NEBL: variants seen among roughly 807,000 people sequenced by gnomAD.
NEBL encodes nebulette, also known as LIM and SH3 protein 2.
NEBL carries 122 observed loss-of-function variants against 140.2 expected under a neutral mutation model. That is an observed-to-expected ratio of 0.87 (90% confidence interval 0.75 to 1.01). The LOEUF is 1.01. Ranked by LOEUF, NEBL falls within the 50% of genes least tolerant of loss-of-function variation. The pLI is 0.00. For synonymous variants in NEBL, 436 were observed against 398.9 expected (o/e 1.09, Z -1.11); for missense variants, 1,365 against 1,231.3 (o/e 1.11, Z -1.62).
chr10:21,035,508 A>G (rs1445478415), intron 2 of NEBL, among the ~76,000 whole-genome samples: 2 of 152,178 alleles, frequency 1.3e-5, no homozygotes, highest in Non-Finnish European at 1.5e-5. Context: ...TAATCACAAA[A>G]TATATCAGCT....
intron 4 of NEBL, among the ~76,000 whole-genome samples, chr10:20,937,052 T>C (rs898117697): frequency 6.6e-6 from 1 of 152,204 alleles, no homozygotes. Context: ...TGGAAGGATT[T>C]AAAATTGCAC....
intron 2 of NEBL, among the ~76,000 whole-genome samples, chr10:21,028,399 A>T (rs1833629987): frequency 6.6e-6 from 1 of 152,180 alleles, no homozygotes; most frequent in Non-Finnish European, 1.5e-5. Flanking sequence ...TTCCAGAAGG[A>T]AAAGCTAAAA....
intron 13 of NEBL, among the ~76,000 whole-genome samples, chr10:20,837,279 T>G (rs1840991948): frequency 6.6e-6 from 1 of 152,188 alleles, no homozygotes; most frequent in Non-Finnish European, 1.5e-5. Context: ...ACACATGAAT[T>G]ATAAGAATGT....
intron 10 of NEBL, among the ~76,000 whole-genome samples, chr10:20,851,974 G>T (rs1366633094): frequency 1.5e-5 from 1 of 67,402 alleles, no homozygotes; most frequent in African/African-American, 5.3e-5. Flanking sequence ...CTTAACAGAT[G>T]CTGGAACTGA....
At chr10:20,819,267 T>C (rs1205448582) in intron 20 of NEBL, 157 bp downstream of exon 20, 1 of 1,237,604 alleles carries the variant, frequency 8.1e-7, no homozygotes, top group Non-Finnish European at 1.1e-6. Context: ...CCTCTATGTG[T>C]CCATGTATTC....
At chr10:21,229,303 C>T (rs1356288659) in intron 3 of NEBL, among the ~76,000 whole-genome samples, 2 of 152,100 alleles carry the variant, frequency 1.3e-5, no homozygotes, top group African/African-American at 2.4e-5. Context: ...CACCTGTGGT[C>T]CCAGCTACCT....
At chr10:21,021,427 A>T (rs1472861649) in intron 2 of NEBL, among the ~76,000 whole-genome samples, 1 of 152,180 alleles carries the variant, frequency 6.6e-6, no homozygotes, top group East Asian at 1.9e-4. Flanking sequence ...CCCCATGGCC[A>T]GGCCTCTGCA....
At position 21,239,803 on chromosome 10, in the gene NEBL, TCAGGAGATCAAGAC is replaced by T. The variant is rs1328229454; in HGVS notation, n.348+8104_348+8117del. Reference sequence around the variant, plus strand: ...AGGTTGAGGTGGGCGGATTACAAGGTCAGGAGATCAAGACCATCCTAGCTAACATGGTGAAACCC... The same window carrying T: ...AGGTTGAGGTGGGCGGATTACAAGGTCATCCTAGCTAACATGGTGAAACCC... On this transcript the variant is annotated intron_variant and non_coding_transcript_variant, in intron 3 of 8. Transcript: ENST00000675702. Among the ~76,000 whole-genome samples, 3 of 151,892 alleles carry T rather than the reference TCAGGAGATCAAGAC, an allele frequency of 2.0e-5. 1 individual carries two copies. The East Asian group carries it at 5.8e-4, about 29-fold the overall frequency.
At chr10:21,184,891 G>A (rs1841441482) in intron 3 of NEBL, among the ~76,000 whole-genome samples, 1 of 152,162 alleles carries the variant, frequency 6.6e-6, no homozygotes, top group Admixed American at 6.5e-5. Context: ...TGTTAACAGA[G>A]GTGGGATTAC....
chr10:20,876,328 A>T (rs1165503026), intron 5 of NEBL, among the ~76,000 whole-genome samples: 1 of 152,170 alleles, frequency 6.6e-6, no homozygotes, highest in Non-Finnish European at 1.5e-5. Context: ...TCACCACCAT[A>T]TTGTGTAGAA....
At chr10:21,058,172 C>T (rs778474613) in intron 2 of NEBL, among the ~76,000 whole-genome samples, 3 of 152,202 alleles carry the variant, frequency 2.0e-5, no homozygotes, top group African/African-American at 4.8e-5. Context: ...CCATTGTTCA[C>T]TGGGTCTTTT....
Position 20,831,596 on chromosome 10 carries a change from A to ACACT in NEBL, c.1450-14_1450-13insAGTG. 3.3e-6 allele frequency: 5 copies of ACACT among 1,534,716 alleles called. No individual in the cohort carries two copies. Among genetic ancestry groups the ACACT allele is most frequent in the Non-Finnish European group, 4.5e-6 (5 of 1,108,774 alleles). Reference sequence around the variant, plus strand: ...TTTTATAGTCTTTCTGCAGAAAATGAAACATACAGTTAGTGCTCTCCAATC... The same window carrying ACACT: ...TTTTATAGTCTTTCTGCAGAAAATGACACTAACATACAGTTAGTGCTCTCCAATC... On this transcript the variant is annotated splice_polypyrimidine_tract_variant and intron_variant, in intron 14 of 27. Transcript: ENST00000377122.
At chr10:20,999,196 G>A (rs1461611422) in intron 3 of NEBL, among the ~76,000 whole-genome samples, 1 of 151,434 alleles carries the variant, frequency 6.6e-6, no homozygotes, top group Non-Finnish European at 1.5e-5. Context: ...GGGAAGAAAG[G>A]CGTACTCTCT....
intron 5 of NEBL, among the ~76,000 whole-genome samples, chr10:20,875,578 A>T (rs1240075215): frequency 6.6e-6 from 1 of 152,086 alleles, no homozygotes; most frequent in Non-Finnish European, 1.5e-5. Context: ...GTGATTTGAG[A>T]CTCTCTGGTA....
chr10:21,279,726 C>A (rs905294766), intron 1 of NEBL, among the ~76,000 whole-genome samples: 3 of 150,484 alleles, frequency 2.0e-5, no homozygotes, highest in African/African-American at 4.9e-5. Context: ...TCATTGCACT[C>A]CAGTCTGGGT....
chr10:21,044,049 G>A (rs1213705418), intron 2 of NEBL, among the ~76,000 whole-genome samples: 1 of 152,128 alleles, frequency 6.6e-6, no homozygotes, highest in Non-Finnish European at 1.5e-5. Flanking sequence ...TATTATTTCA[G>A]AGGAACATTC....
intron 2 of NEBL, among the ~76,000 whole-genome samples, chr10:21,052,827 G>T (rs1834835522): frequency 6.6e-6 from 1 of 152,140 alleles, no homozygotes; most frequent in African/African-American, 2.4e-5. Flanking sequence ...GACAGAAAAT[G>T]CTCAGCCCCA....
chr10:21,002,821 C>T (rs1286348730), intron 3 of NEBL, among the ~76,000 whole-genome samples: 1 of 152,102 alleles, frequency 6.6e-6, no homozygotes, highest in African/African-American at 2.4e-5. Flanking sequence ...CAGGCCCCTC[C>T]TCCAACACTG....
intron 16 of NEBL, 116 bp downstream of exon 16, chr10:20,831,080 G>T: frequency 1.3e-6 from 1 of 792,502 alleles, no homozygotes; most frequent in Non-Finnish European, 2.2e-6. Flanking sequence ...TAGTGAAAGA[G>T]TACACTAGCT....
Sources: allele counts gnomAD v4.1 joint callset (sites outside exome capture counted in the v4.1 genomes callset), GRCh38; gene constraint gnomAD v4.1.1; transcripts MANE v1.5; gene names NCBI Gene and HGNC (gene_info 2026-07-23, HGNC 2026-07-21).